The following KCNMA1 variants were observed in gnomAD, a reference collection of about 807,000 sequenced individuals.
KCNMA1 encodes potassium calcium-activated channel subfamily M alpha 1.
A neutral mutation model predicts 140.0 loss-of-function variants in KCNMA1; 29 were observed. The ratio of observed to expected loss-of-function variants is 0.21; its 90% CI spans 0.15 to 0.28. The LOEUF is 0.28. KCNMA1 is among the 10% of genes least tolerant of loss of function. The pLI, the probability that KCNMA1 is intolerant of heterozygous loss-of-function variation, is 1.00. For synonymous variants in KCNMA1, 612 were observed against 611.9 expected, an observed-to-expected ratio of 1.00 and a Z score of 0.00; for missense variants, 880 against 1,602.2, an observed-to-expected ratio of 0.55 and a Z score of 7.70.
At chr10:77,318,604 C>T (rs1169408595) in intron 2 of KCNMA1, among the ~76,000 whole-genome samples, 1 of 152,132 alleles carries the variant, frequency 6.6e-6, no homozygotes, top group Non-Finnish European at 1.5e-5. Context: ...AACCAAGCAC[C>T]TGGTAGGCAC....
intron 20 of KCNMA1, among the ~76,000 whole-genome samples, chr10:76,969,292 AGGAAGGAG>A (rs1565261141): frequency 2.4e-5 from 3 of 123,076 alleles, no homozygotes; most frequent in Admixed American, 8.0e-5. Context: ...AAGGGAAGGA[AGGAAGGAG>A]GGAAGGAAGG....
intron 2 of KCNMA1, chr10:77,315,388 T>C (rs1235153465): frequency 2.0e-5 from 3 of 152,222 alleles, no homozygotes; most frequent in Admixed American, 6.5e-5. Flanking sequence ...CTATTACAGA[T>C]ACGTGATTAT....
intron 2 of KCNMA1, among the ~76,000 whole-genome samples, chr10:77,390,350 C>T (rs77430111): frequency 6.6e-6 from 1 of 152,112 alleles, no homozygotes; most frequent in Non-Finnish European, 1.5e-5. Context: ...GTCATGAATC[C>T]CCAAGGGCCA....
chr10:77,269,778 A>G (rs1229889097), intron 2 of KCNMA1, among the ~76,000 whole-genome samples: 2 of 152,172 alleles, frequency 1.3e-5, no homozygotes, highest in African/African-American at 2.4e-5. Flanking sequence ...CCTGGTCTTC[A>G]ATGTCCCCAC....
rs112262831 is a variant in KCNMA1 at position 76,987,828 on chromosome 10, T to G, written c.2266+13579A>C. Among the ~76,000 whole-genome samples the G allele has an allele frequency of 6.6e-3, 1,001 of 152,268 alleles. 10 individuals carry two copies. Among genetic ancestry groups the G allele is most frequent in the African/African-American group, 0.023 (948 of 41,540 alleles). ...GCAAAGGCTTTGAATGCCATTTTAATAGCAGAAAGTTGGAAATTATCCTCT... is the reference window on the plus strand; with the variant it reads ...GCAAAGGCTTTGAATGCCATTTTAAGAGCAGAAAGTTGGAAATTATCCTCT... On this transcript the variant is annotated intron_variant, in intron 19 of 27. Coordinates refer to ENST00000286628, the MANE Select transcript of KCNMA1 (RefSeq NM_001161352.2).
At chr10:77,152,054 G>T (rs2098423819) in intron 5 of KCNMA1, among the ~76,000 whole-genome samples, 1 of 152,152 alleles carries the variant, frequency 6.6e-6, no homozygotes, top group Non-Finnish European at 1.5e-5. Flanking sequence ...AAGGGCAGAG[G>T]CTTTGAAGAC....
intron 5 of KCNMA1, among the ~76,000 whole-genome samples, chr10:77,133,875 A>C (rs2097917045): frequency 6.6e-6 from 1 of 152,184 alleles, no homozygotes; most frequent in Non-Finnish European, 1.5e-5. Context: ...TCAAAATCTA[A>C]AATGCAAAAA....
At chr10:77,396,952 A>G (rs2096075011) in intron 2 of KCNMA1, among the ~76,000 whole-genome samples, 1 of 152,196 alleles carries the variant, frequency 6.6e-6, no homozygotes, top group African/African-American at 2.4e-5. Context: ...GAGACACACA[A>G]AACATTGAAT....
intron 1 of KCNMA1, among the ~76,000 whole-genome samples, chr10:77,600,451 A>G (rs959786461): frequency 6.6e-6 from 1 of 152,160 alleles, no homozygotes; most frequent in African/African-American, 2.4e-5. Flanking sequence ...AAGTTGCTAC[A>G]AAACACACAC....
intron 5 of KCNMA1, among the ~76,000 whole-genome samples, chr10:77,174,144 A>G (rs1328762811): frequency 1.3e-5 from 2 of 152,186 alleles, no homozygotes; most frequent in South Asian, 2.1e-4. Flanking sequence ...GAGCTGGAGC[A>G]TGGTCCAGTG....
chr10:77,389,773 T>C (rs1030570626), intron 2 of KCNMA1, among the ~76,000 whole-genome samples: 1 of 152,094 alleles, frequency 6.6e-6, no homozygotes. Flanking sequence ...TCTACATGCT[T>C]CTACCTATAG....
chr10:77,106,076 G>A (rs2097192189), intron 9 of KCNMA1, among the ~76,000 whole-genome samples: 1 of 152,098 alleles, frequency 6.6e-6, no homozygotes, highest in Non-Finnish European at 1.5e-5. Context: ...TCTGATGAAA[G>A]ATCTAAGTGA....
chr10:76,909,543 C>A (rs1393384274), intron 25 of KCNMA1, among the ~76,000 whole-genome samples: 1 of 152,152 alleles, frequency 6.6e-6, no homozygotes, highest in Non-Finnish European at 1.5e-5. Flanking sequence ...ATGGTCCAGC[C>A]TCACAGGGTT....
At chr10:77,235,806 CAA>C (rs1476007167) in intron 3 of KCNMA1, among the ~76,000 whole-genome samples, 4 of 152,206 alleles carry the variant, frequency 2.6e-5, no homozygotes, top group African/African-American at 9.7e-5. Flanking sequence ...CTCCAGCCAA[CAA>C]AGTCCCTTCA....
intron 23 of KCNMA1, among the ~76,000 whole-genome samples, chr10:76,929,375 T>G (rs1317964248): frequency 6.6e-6 from 1 of 152,210 alleles, no homozygotes; most frequent in East Asian, 1.9e-4. Context: ...TGTGCCCACC[T>G]GCCTTGACCT....
intron 14 of KCNMA1, among the ~76,000 whole-genome samples, chr10:77,043,963 T>G (rs540163734): frequency 6.6e-6 from 1 of 152,340 alleles, no homozygotes; most frequent in East Asian, 1.9e-4. Context: ...AACTACATGC[T>G]TAAAAATGAT....
intron 3 of KCNMA1, among the ~76,000 whole-genome samples, chr10:77,218,214 C>A (rs1357286927): frequency 6.6e-6 from 1 of 152,126 alleles, no homozygotes; most frequent in Non-Finnish European, 1.5e-5. Context: ...CCATGGCCTC[C>A]TTGCAAATTA....
At chr10:77,027,687 C>G (rs1414836244) in intron 16 of KCNMA1, 136 bp downstream of exon 16, 11 of 796,676 alleles carry the variant, frequency 1.4e-5, no homozygotes, top group South Asian at 1.4e-5. Context: ...GAAATGTGCT[C>G]TAGGGTCAGA....
At chr10:77,557,598 T>C (rs1235806023) in intron 1 of KCNMA1, among the ~76,000 whole-genome samples, 1 of 152,104 alleles carries the variant, frequency 6.6e-6, no homozygotes, top group Non-Finnish European at 1.5e-5. Flanking sequence ...TCTAAAGTTT[T>C]TAAGCTCTCT....
Sources: gnomAD v4.1 joint callset for allele counts (sites outside exome capture counted in the v4.1 genomes callset) on GRCh38, gnomAD v4.1.1 for gene constraint, MANE v1.5 for transcripts, NCBI Gene and HGNC (gene_info 2026-07-23, HGNC 2026-07-21) for gene names.